The following MFSD11 variants were observed in gnomAD, a reference collection of about 807,000 sequenced individuals.
The protein encoded by MFSD11 is UNC93-like protein MFSD11.
A neutral mutation model predicts 53.5 loss-of-function variants in MFSD11; 36 were observed. The ratio of observed to expected loss-of-function variants is 0.67; its 90% CI spans 0.52 to 0.89. The LOEUF (loss-of-function observed/expected upper bound fraction) is 0.89, where lower values mean the gene tolerates loss of function less well. Among genes scored for constraint, MFSD11 ranks in the 40% least tolerant of loss-of-function variants. The pLI, the probability that MFSD11 is intolerant of heterozygous loss-of-function variation, is 0.00. For synonymous variants in MFSD11, 186 were observed against 184.9 expected (o/e 1.01, Z -0.05); for missense variants, 530 against 543.9 (o/e 0.97, Z 0.25).
chr17:76,794,854 A>C, the MFSD11 span, among the ~76,000 whole-genome samples: 1 of 150,704 alleles, frequency 6.6e-6, no homozygotes, highest in Non-Finnish European at 1.5e-5. Context: ...CACCATGCCC[A>C]GCTAATTTTT....
At chr17:76,758,561 C>CG (rs2079879100) in intron 8 of MFSD11, among the ~76,000 whole-genome samples, 1 of 122,310 alleles carries the variant, frequency 8.2e-6, no homozygotes. Context: ...CCAGCATGGG[C>CG]ACAGAGCGAG....
intron 1 of MFSD11, 98 bp downstream of exon 1, chr17:76,738,546 T>C (rs1341072849): frequency 2.4e-6 from 2 of 839,530 alleles, no homozygotes; most frequent in African/African-American, 1.7e-5. Flanking sequence ...GCGCTTTAAT[T>C]GCATCTTTCA....
chr17:76,769,967 T>G lies in MFSD11; in HGVS notation c.874+96T>G, dbSNP rs550728666. On this transcript the variant is annotated intron_variant, in intron 10 of 12. Coordinates refer to ENST00000685175, the MANE Select transcript of MFSD11 (RefSeq NM_001242532.5). Reference sequence around the variant, plus strand: ...TGCTTCACCTTTGTCCTTGAATTTCTGTTTTTTCTACTTATTTTTACCCAA... The same window carrying G: ...TGCTTCACCTTTGTCCTTGAATTTCGGTTTTTTCTACTTATTTTTACCCAA... 1.7e-5 allele frequency: 20 copies of G among 1,165,324 alleles called. No homozygotes were observed. In the South Asian group the frequency reaches 2.0e-4, roughly 11 times the overall value. The allele number at this position is 1,165,324 out of a possible 1,614,324, so 72.2% of individuals were successfully genotyped here. A position where few individuals can be genotyped will look rare whatever the true frequency, so the allele number is the denominator to read the frequency against.
the MFSD11 span, among the ~76,000 whole-genome samples, chr17:76,798,817 C>T: frequency 6.6e-6 from 1 of 151,856 alleles, no homozygotes; most frequent in African/African-American, 2.4e-5. Context: ...CACCTGAGGT[C>T]AGGAGTTCGA....
rs540256457 is a variant in MFSD11, at chr17:76,759,517, C to T, written c.682+5430C>T. Among the ~76,000 whole-genome samples the T allele has an allele frequency of 1.2e-3, 187 of 152,024 alleles. 1 individual carries two copies. The highest frequency in any genetic ancestry group is 4.3e-3 in the African/African-American group (177 of 41,512). On this transcript the variant is annotated intron_variant, in intron 8 of 12. Transcript: ENST00000685175. Reference sequence around the variant, plus strand: ...TCACCCAGGCTGGAGTGCAGTGGCGCGATCTCAGCTCACTGCAACCTCCGC... The same window carrying T: ...TCACCCAGGCTGGAGTGCAGTGGCGTGATCTCAGCTCACTGCAACCTCCGC...
intron 7 of MFSD11, among the ~76,000 whole-genome samples, chr17:76,749,849 C>CGCA (rs1235975592): frequency 6.7e-6 from 1 of 149,508 alleles, no homozygotes; most frequent in Non-Finnish European, 1.5e-5. Context: ...AAGATTGCAC[C>CGCA]GCAGCACTCC....
intron 7 of MFSD11, among the ~76,000 whole-genome samples, chr17:76,751,481 C>T (rs2079045629): frequency 1.3e-5 from 2 of 151,804 alleles, no homozygotes; most frequent in Non-Finnish European, 2.9e-5. Flanking sequence ...ATCACTGAGC[C>T]CAGAGTTCCA....
At chr17:76,787,899 A>G in the MFSD11 span, among the ~76,000 whole-genome samples, 1 of 150,198 alleles carries the variant, frequency 6.7e-6, no homozygotes, top group Non-Finnish European at 1.5e-5. Context: ...TGTAGCAATA[A>G]GATACCAAAT....
At chr17:76,761,059 G>A (rs1259005258) in intron 8 of MFSD11, among the ~76,000 whole-genome samples, 1 of 151,980 alleles carries the variant, frequency 6.6e-6, no homozygotes, top group Non-Finnish European at 1.5e-5. Context: ...ACAAAAATTA[G>A]CCGCACACGG....
At chr17:76,765,212 CT>C (rs1463717890) in intron 8 of MFSD11, among the ~76,000 whole-genome samples, 1 of 151,968 alleles carries the variant, frequency 6.6e-6, no homozygotes, top group Non-Finnish European at 1.5e-5. Flanking sequence ...CAGCTTTATT[CT>C]TTTGCATGTC....
intron 3 of MFSD11, 63 bp from the exon 4 acceptor site, chr17:76,741,906 G>T: frequency 6.2e-7 from 1 of 1,611,718 alleles, no homozygotes; most frequent in Non-Finnish European, 8.5e-7. Flanking sequence ...TTCCTAGAAG[G>T]CATAATTGGC....
At chr17:76,747,545 G>A (rs531621203) in intron 7 of MFSD11, among the ~76,000 whole-genome samples, 160 of 152,148 alleles carry the variant, frequency 1.1e-3, no homozygotes, top group African/African-American at 3.6e-3. Flanking sequence ...ATGTTGGGCA[G>A]GCTGGTCTCG....
At chr17:76,749,571 C>A (rs4788944) in intron 7 of MFSD11, among the ~76,000 whole-genome samples, 1 of 150,728 alleles carries the variant, frequency 6.6e-6, no homozygotes. Flanking sequence ...TATGCTGTAG[C>A]CTATCTCCAT....
At chr17:76,736,654 G>C, upstream of MFSD11, 2 of 1,190,898 alleles carry the variant, frequency 1.7e-6, no homozygotes, top group Non-Finnish European at 2.2e-6. Context: ...GAAGCTCGCG[G>C]GGTGGCCGGA....
Position 76,741,994 on chromosome 17 carries a change from C to G in MFSD11, c.286C>G (p.Pro96Ala), listed in dbSNP as rs1262851195. 1 of 1,614,044 alleles carries G rather than the reference C, an allele frequency of 6.2e-7. No homozygotes were observed. The highest frequency in any genetic ancestry group is 1.7e-5 in the Admixed American group (1 of 59,998). The change falls in exon 4 of 13, where the codon CCT (proline) becomes GCT (alanine). Residue 96 changes from proline (P) to alanine (A), a missense_variant. By Grantham distance (27) the Pro-to-Ala change is conservative. Coordinates refer to ENST00000685175, the MANE Select transcript of MFSD11 (RefSeq NM_001242532.5). ...YSMYIAVFIQPFPWSFYTASV... is the reference protein window; with the variant it reads ...YSMYIAVFIQAFPWSFYTASV... ...CATGTACATTGCCGTTTTCATCCAG[C>G]CTTTCCCGTGGTCCTTCTACACAGC...
At chr17:76,799,886 C>G in the MFSD11 span, among the ~76,000 whole-genome samples, 1 of 151,964 alleles carries the variant, frequency 6.6e-6, no homozygotes, top group Non-Finnish European at 1.5e-5. Flanking sequence ...CATGATTTCT[C>G]CTGCATTTCT....
chr17:76,750,197 G>T (rs999678878), intron 7 of MFSD11, among the ~76,000 whole-genome samples: 3 of 151,988 alleles, frequency 2.0e-5, no homozygotes, highest in African/African-American at 7.3e-5. Context: ...GGGGCCTGAA[G>T]GGTAAAATAT....
chr17:76,800,105 G>A, the MFSD11 span, among the ~76,000 whole-genome samples: 1 of 150,066 alleles, frequency 6.7e-6, no homozygotes, highest in Non-Finnish European at 1.5e-5. Flanking sequence ...ACGGGCACCC[G>A]CCACCACTCC....
intron 6 of MFSD11, among the ~76,000 whole-genome samples, chr17:76,744,118 T>C (rs2078334165): frequency 6.6e-6 from 1 of 152,234 alleles, no homozygotes; most frequent in Non-Finnish European, 1.5e-5. Flanking sequence ...TGTGCTGTTT[T>C]TCTTTGGCTT....
Sources: gnomAD v4.1 joint callset for allele counts (sites outside exome capture counted in the v4.1 genomes callset) on GRCh38, gnomAD v4.1.1 for gene constraint, MANE v1.5 for transcripts, NCBI Gene and HGNC (gene_info 2026-07-23, HGNC 2026-07-21) for gene names.